Variants in BICDL1 observed in about 807,000 individuals in gnomAD.
The protein encoded by BICDL1 is BICD family like cargo adaptor 1.
A neutral mutation model predicts 76.8 loss-of-function variants in BICDL1; 20 were observed. The ratio of observed to expected loss-of-function variants is 0.26; its 90% CI spans 0.18 to 0.38. The LOEUF (loss-of-function observed/expected upper bound fraction) is 0.38, where lower values mean the gene tolerates loss of function less well. Among genes scored for constraint, BICDL1 ranks in the 10% least tolerant of loss-of-function variants. BICDL1 has a pLI of 1.00. For missense variants in BICDL1, 700 were observed against 798.6 expected, an observed-to-expected ratio of 0.88 and a Z score of 1.49; for synonymous variants, 383 against 337.1, an observed-to-expected ratio of 1.14 and a Z score of -1.49.
intron 2 of BICDL1, among the ~76,000 whole-genome samples, chr12:120,041,144 G>T (rs374929600): frequency 6.6e-6 from 1 of 152,144 alleles, no homozygotes; most frequent in Non-Finnish European, 1.5e-5. Flanking sequence ...GTATAAAGTG[G>T]ATATAACAAA....
At chr12:120,082,663 G>T (rs1157940046) in intron 8 of BICDL1, among the ~76,000 whole-genome samples, 2 of 152,054 alleles carry the variant, frequency 1.3e-5, no homozygotes, top group African/African-American at 4.8e-5. Context: ...GCTCACTGCA[G>T]CTTCCACCTC....
chr12:120,045,018 A>G, intron 2 of BICDL1, among the ~76,000 whole-genome samples: 1 of 152,174 alleles, frequency 6.6e-6, no homozygotes, highest in East Asian at 1.9e-4. Flanking sequence ...TTCGCAACCT[A>G]CTCATCTGAC....
intron 2 of BICDL1, among the ~76,000 whole-genome samples, chr12:120,058,137 C>A (rs1298276382): frequency 6.6e-6 from 1 of 152,006 alleles, no homozygotes; most frequent in African/African-American, 2.4e-5. Flanking sequence ...CTGGCCGATT[C>A]CTGCTTCTTA....
intron 2 of BICDL1, among the ~76,000 whole-genome samples, chr12:120,010,739 T>G (rs181142625): frequency 1.0e-3 from 152 of 152,136 alleles, no homozygotes; most frequent in Admixed American, 2.0e-3. Flanking sequence ...GAAAAAGTGT[T>G]TTTTTTTATC....
chr12:120,003,996 C>G (rs932662022), intron 2 of BICDL1, among the ~76,000 whole-genome samples: 7 of 152,148 alleles, frequency 4.6e-5, no homozygotes, highest in African/African-American at 1.7e-4. Flanking sequence ...TGTTCTCATG[C>G]TCCACATGGT....
chr12:120,068,756 C>T (rs1228263990), intron 4 of BICDL1, among the ~76,000 whole-genome samples: 1 of 152,180 alleles, frequency 6.6e-6, no homozygotes, highest in Non-Finnish European at 1.5e-5. Flanking sequence ...GCAGAGGTTG[C>T]AGTGAGCCAC....
At position 120,054,074 on chromosome 12, in the gene BICDL1, C is replaced by CT. The variant is rs35079479; in HGVS notation, c.646-7620dup. Among the ~76,000 whole-genome samples, 1,791 of 140,456 alleles carry CT rather than the reference C, an allele frequency of 0.013. 69 individuals are homozygous for CT. The East Asian group carries it at 0.13, about 10-fold the overall frequency. 92.1% of individuals were successfully genotyped at this position (140,456 alleles called of 152,430 possible). ...ACCTATAATCCCAAAAAAATTGTAA[C>CT]TTTTTTTTTTTTTTTTGAGACAGAG... On this transcript the variant is annotated intron_variant, in intron 2 of 9. Transcript: ENST00000548673.
At chr12:120,073,858 C>T (rs553829625) in intron 6 of BICDL1, among the ~76,000 whole-genome samples, 1 of 152,330 alleles carries the variant, frequency 6.6e-6, no homozygotes, top group Admixed American at 6.5e-5. Context: ...TCCTTTCCCC[C>T]AAGCCTGAAA....
chr12:120,019,311 T>G, intron 2 of BICDL1: 1 of 152,168 alleles, frequency 6.6e-6, no homozygotes. Flanking sequence ...GCATTTGTAC[T>G]GTTACTCATT....
At chr12:120,039,936 C>T (rs1345986104) in intron 2 of BICDL1, among the ~76,000 whole-genome samples, 1 of 152,122 alleles carries the variant, frequency 6.6e-6, no homozygotes, top group Admixed American at 6.6e-5. Flanking sequence ...TCCATGGCAA[C>T]CATCAGCCAA....
At chr12:120,011,741 A>G (rs543648711) in intron 2 of BICDL1, among the ~76,000 whole-genome samples, 19 of 152,132 alleles carry the variant, frequency 1.2e-4, no homozygotes, top group Admixed American at 6.5e-4. Context: ...TAAGCTCTCA[A>G]TGGCTTTACA....
At chr12:120,025,126 T>C (rs1594131499) in intron 2 of BICDL1, among the ~76,000 whole-genome samples, 1 of 150,348 alleles carries the variant, frequency 6.7e-6, no homozygotes. Context: ...CTCAGCTCAC[T>C]GCAGGCTCCG....
At chr12:120,056,577 G>A (rs1952977319) in intron 2 of BICDL1, among the ~76,000 whole-genome samples, 1 of 152,092 alleles carries the variant, frequency 6.6e-6, no homozygotes, top group Non-Finnish European at 1.5e-5. Flanking sequence ...AAATTAGCTG[G>A]GCGTGGTAGT....
At chr12:120,057,324 C>T in intron 2 of BICDL1, 2 of 311,298 alleles carry the variant, frequency 6.4e-6, no homozygotes, top group Non-Finnish European at 1.2e-5. Flanking sequence ...AATTTTTTGT[C>T]TTTCCACGAT....
intron 2 of BICDL1, among the ~76,000 whole-genome samples, chr12:120,056,554 A>G (rs1952976650): frequency 1.3e-5 from 2 of 152,156 alleles, no homozygotes. Flanking sequence ...CCCTGTCTCT[A>G]CTAAAAATAC....
intron 8 of BICDL1, among the ~76,000 whole-genome samples, chr12:120,085,925 AG>A (rs1228508351): frequency 3.3e-5 from 5 of 151,566 alleles, no homozygotes; most frequent in African/African-American, 1.2e-4. Context: ...GTGGGATGGA[AG>A]GTGGGGGATA....
In BICDL1 at chr12:120,061,962, T is replaced by G. The variant is rs1461885922; in HGVS notation, c.762+136T>G. 7.8e-6 allele frequency: 5 copies of G among 640,194 alleles called. No individual in the cohort carries two copies. In the Admixed American group the frequency reaches 8.1e-5, roughly 10 times the overall value. 39.7% of individuals were successfully genotyped at this position (640,194 alleles called of 1,614,324 possible). Reference sequence around the variant, plus strand: ...GCGAAACTAAATGGGAAACATTTGATCTGTTTCTCTGGGTAGCCTGTTGTC... The same window carrying G: ...GCGAAACTAAATGGGAAACATTTGAGCTGTTTCTCTGGGTAGCCTGTTGTC... On this transcript the variant is annotated intron_variant, in intron 3 of 9. Transcript: ENST00000548673.
At chr12:120,056,502 C>T (rs1345633131) in intron 2 of BICDL1, among the ~76,000 whole-genome samples, 2 of 152,060 alleles carry the variant, frequency 1.3e-5, no homozygotes, top group African/African-American at 2.4e-5. Context: ...GGGCGGATCA[C>T]GAGGTCAGAA....
At chr12:120,092,416 G>C (rs1326613470) in intron 9 of BICDL1, 1 of 985,354 alleles carries the variant, frequency 1.0e-6, no homozygotes, top group East Asian at 1.1e-4. Flanking sequence ...CCGCAGATGG[G>C]AGCCTCAGCA....
Sources: allele counts gnomAD v4.1 joint callset (sites outside exome capture counted in the v4.1 genomes callset), GRCh38; gene constraint gnomAD v4.1.1; transcripts MANE v1.5; gene names NCBI Gene and HGNC (gene_info 2026-07-23, HGNC 2026-07-21).